Variants in CLCN3 observed in about 807,000 individuals in gnomAD.
CLCN3 encodes Cl-/H+ antiporter 3, also known as H(+)/Cl(-) exchange transporter 3.
Under a neutral mutation model 83.4 loss-of-function variants are expected in CLCN3, and 16 were observed. That is an observed-to-expected ratio of 0.19 (90% CI 0.13 to 0.29). CLCN3 has a LOEUF of 0.29. CLCN3 is among the 10% of genes least tolerant of loss of function. CLCN3 has a pLI of 1.00. For synonymous variants in CLCN3, 322 were observed against 346.2 expected, an observed-to-expected ratio of 0.93 and a Z score of 0.78; for missense variants, 544 against 1,006.0, an observed-to-expected ratio of 0.54 and a Z score of 6.21.
chr4:169,710,448 T>C (rs1306471469), intron 11 of CLCN3, among the ~76,000 whole-genome samples: 1 of 152,178 alleles, frequency 6.6e-6, no homozygotes, highest in African/African-American at 2.4e-5. Flanking sequence ...GTATTTCTTG[T>C]ATAGGCAAGG....
At chr4:169,630,240 T>C (rs1773335433) in intron 1 of CLCN3, among the ~76,000 whole-genome samples, 1 of 152,194 alleles carries the variant, frequency 6.6e-6, no homozygotes. Flanking sequence ...ACCCAGGAAG[T>C]GGGTATAGTG....
At position 169,695,564 on chromosome 4, in the gene CLCN3, T is replaced by C. The variant is rs28776819; in HGVS notation, c.937-48T>C. 20,842 of 1,305,604 alleles carry C rather than the reference T, an allele frequency of 0.016. 2,424 individuals carry two copies. In the African/African-American group the frequency reaches 0.26, roughly 16 times the overall value. The allele number at this position is 1,305,604 out of a possible 1,614,324, so 80.9% of individuals were successfully genotyped here. On this transcript the variant is annotated intron_variant, in intron 7 of 12. Transcript: ENST00000513761. ...TAACATGAAGAATTTTTATTTGGTATGTTTGAATTTCTATGAAATTATGAA... is the reference window on the plus strand; with the variant it reads ...TAACATGAAGAATTTTTATTTGGTACGTTTGAATTTCTATGAAATTATGAA...
chr4:169,718,842 C>T (rs1194701389), intron 12 of CLCN3, among the ~76,000 whole-genome samples: 2 of 152,170 alleles, frequency 1.3e-5, no homozygotes, highest in African/African-American at 2.4e-5. Context: ...CTCATTCATT[C>T]TGCTTTCTGC....
At position 169,680,127 on chromosome 4, in the gene CLCN3, C is replaced by G; in HGVS notation, c.238C>G (p.Pro80Ala). ...HLLDLLDEPI[P>A]GVGTYDDFHT... ...ACTGGATCTTTTGGATGAACCAATT[C>G]CAGGTGTTGGTACATATGATGATTT... Residue 80 changes from proline (P) to alanine (A), a missense_variant, in exon 3 of 13, where the codon CCA (proline) becomes GCA (alanine). Physicochemically the swap from Pro to Ala is conservative, Grantham distance 27 (BLOSUM62 -1). Coordinates refer to ENST00000513761, the MANE Select transcript of CLCN3 (RefSeq NM_001829.4). 1 of 1,612,092 alleles carries G rather than the reference C, an allele frequency of 6.2e-7. No homozygotes were observed.
chr4:169,649,455 A>G (rs1388345638), intron 2 of CLCN3, among the ~76,000 whole-genome samples: 1 of 152,248 alleles, frequency 6.6e-6, no homozygotes, highest in African/African-American at 2.4e-5. Flanking sequence ...GGAGGTAAAT[A>G]TAATAGTTCA....
chr4:169,670,042 A>G (rs184808475), intron 2 of CLCN3, among the ~76,000 whole-genome samples: 1 of 152,250 alleles, frequency 6.6e-6, no homozygotes, highest in Non-Finnish European at 1.5e-5. Flanking sequence ...AGATGGATAG[A>G]TTGCAAAAGT....
chr4:169,718,362 A>G (rs1733505243), intron 12 of CLCN3, among the ~76,000 whole-genome samples: 1 of 152,102 alleles, frequency 6.6e-6, no homozygotes, highest in Non-Finnish European at 1.5e-5. Context: ...TTACAGTTAA[A>G]TGGATTTTTT....
intron 2 of CLCN3, among the ~76,000 whole-genome samples, chr4:169,665,639 C>G (rs1219299869): frequency 6.6e-6 from 1 of 151,516 alleles, no homozygotes; most frequent in Non-Finnish European, 1.5e-5. Context: ...ACTTCCTGCT[C>G]TTAACATACA....
chr4:169,684,307 G>A (rs534903978), intron 3 of CLCN3, among the ~76,000 whole-genome samples: 1 of 152,202 alleles, frequency 6.6e-6, no homozygotes, highest in Non-Finnish European at 1.5e-5. Context: ...AAGTAAGGGT[G>A]GTACAGGAAA....
rs190737602 is a variant in CLCN3 at position 169,715,801 on chromosome 4, A to G, written c.2366+2506A>G. 7.1e-4 allele frequency among the ~76,000 whole-genome samples: 91 copies of G among 128,784 alleles called. 4 individuals are homozygous for G. The highest frequency in any genetic ancestry group is 7.0e-3 in the Admixed American group (83 of 11,814). 84.5% of individuals were successfully genotyped at this position (128,784 alleles called of 152,430 possible). On this transcript the variant is annotated intron_variant, in intron 12 of 12. Coordinates refer to ENST00000513761, the MANE Select transcript of CLCN3 (RefSeq NM_001829.4). ...AGTTAATCTTGGTGGAATTAGCAGGATGTTAATAGGAGTGACTCAGAAAAA... is the reference window on the plus strand; with the variant it reads ...AGTTAATCTTGGTGGAATTAGCAGGGTGTTAATAGGAGTGACTCAGAAAAA...
At chr4:169,643,977 C>T (rs756085396) in intron 2 of CLCN3, among the ~76,000 whole-genome samples, 4 of 152,158 alleles carry the variant, frequency 2.6e-5, no homozygotes, top group Non-Finnish European at 5.9e-5. Flanking sequence ...GTGAGTGTGT[C>T]AGTTTTTCTT....
rs193190029 is a variant in CLCN3, at chr4:169,690,364, T to C, written c.607-166T>C. On this transcript the variant is annotated intron_variant, in intron 5 of 12. Coordinates refer to ENST00000513761, the MANE Select transcript of CLCN3 (RefSeq NM_001829.4). ...TTTCACCACATTGGCCAAGCTAGTCTCGAACTCCTGACCTCAGGTGATCCA... is the reference window on the plus strand; with the variant it reads ...TTTCACCACATTGGCCAAGCTAGTCCCGAACTCCTGACCTCAGGTGATCCA... 7.2e-4 allele frequency among the ~76,000 whole-genome samples: 109 copies of C among 152,224 alleles called. 1 individual carries two copies. Among genetic ancestry groups the C allele is most frequent in the African/African-American group, 1.1e-3 (46 of 41,546 alleles).
At chr4:169,699,091 C>T (rs1560867042) in intron 9 of CLCN3, among the ~76,000 whole-genome samples, 1 of 152,166 alleles carries the variant, frequency 6.6e-6, no homozygotes, top group Non-Finnish European at 1.5e-5. Flanking sequence ...TCCTCCTTGC[C>T]ATGCAACGTA....
intron 3 of CLCN3, among the ~76,000 whole-genome samples, chr4:169,687,256 C>G (rs572593695): frequency 2.6e-5 from 4 of 152,132 alleles, no homozygotes; most frequent in Non-Finnish European, 2.9e-5. Context: ...TTTGTGGACC[C>G]TTTGCACTCA....
At chr4:169,662,410 A>T (rs1204774044) in intron 2 of CLCN3, among the ~76,000 whole-genome samples, 2 of 152,188 alleles carry the variant, frequency 1.3e-5, no homozygotes, top group Non-Finnish European at 2.9e-5. Context: ...CCTAGTGTCT[A>T]TGCGTAAGAT....
chr4:169,709,412 G>A (rs556817816), intron 11 of CLCN3, among the ~76,000 whole-genome samples: 1 of 151,944 alleles, frequency 6.6e-6, no homozygotes, highest in African/African-American at 2.4e-5. Flanking sequence ...GGCTGGGCGT[G>A]GTGGCTCATG....
At chr4:169,632,507 A>AT (rs1265661843) in intron 1 of CLCN3, among the ~76,000 whole-genome samples, 1 of 152,022 alleles carries the variant, frequency 6.6e-6, no homozygotes, top group Non-Finnish European at 1.5e-5. Flanking sequence ...AGGCGGGCGG[A>AT]TCACGAGGTC....
chr4:169,640,745 T>TGA (rs1730389894), intron 2 of CLCN3, among the ~76,000 whole-genome samples: 1 of 152,172 alleles, frequency 6.6e-6, no homozygotes, highest in Non-Finnish European at 1.5e-5. Context: ...ATGAAGCACA[T>TGA]GACTGTTCAT....
At chr4:169,718,443 A>G (rs1733507687) in intron 12 of CLCN3, among the ~76,000 whole-genome samples, 2 of 152,130 alleles carry the variant, frequency 1.3e-5, no homozygotes, top group South Asian at 4.2e-4. Context: ...TTTCTGCTAT[A>G]CCCTGCATAT....
Sources: gnomAD v4.1 joint callset for allele counts (sites outside exome capture counted in the v4.1 genomes callset) on GRCh38, gnomAD v4.1.1 for gene constraint, MANE v1.5 for transcripts, NCBI Gene and HGNC (gene_info 2026-07-23, HGNC 2026-07-21) for gene names.